Variants in SLC2A13 observed in about 807,000 individuals in gnomAD.
SLC2A13 encodes proton myo-inositol cotransporter.
SLC2A13 carries 32 observed loss-of-function variants against 64.4 expected under a neutral mutation model. That is an observed-to-expected ratio of 0.50 (90% confidence interval 0.37 to 0.67). The LOEUF (loss-of-function observed/expected upper bound fraction) is 0.67. SLC2A13 is among the 30% of genes least tolerant of loss of function. The pLI is 0.00. For missense variants in SLC2A13, 743 were observed against 829.2 expected (o/e 0.90, Z 1.28); for synonymous variants, 338 against 327.1 (o/e 1.03, Z -0.36).
Position 40,105,645 on chromosome 12 carries a change from C to T in SLC2A13, c.164G>A (p.Gly55Asp). 1 of 1,490,048 alleles carries T rather than the reference C, an allele frequency of 6.7e-7. No homozygotes were observed. Among genetic ancestry groups the T allele is most frequent in the Middle Eastern group, 1.9e-4 (1 of 5,192 alleles). The allele number at this position is 1,490,048 out of a possible 1,614,324, so 92.3% of individuals were successfully genotyped here. A position where few individuals can be genotyped will look rare whatever the true frequency, so the allele number is the denominator to read the frequency against. ...AESSTSLQSAGAGGGGVGDLE... is the reference protein window; with the variant it reads ...AESSTSLQSADAGGGGVGDLE... ...GTCCCCGACGCCGCCGCCGCCCGCGCCCGCGCTCTGCAGGCTGGTGCTCGA... is the reference window on the plus strand; with the variant it reads ...GTCCCCGACGCCGCCGCCGCCCGCGTCCGCGCTCTGCAGGCTGGTGCTCGA... The change falls in exon 1 of 10, where the codon GGC becomes GAC. Residue 55 changes from glycine (G) to aspartate (D), a missense_variant. Gly to Asp is a moderately conservative substitution (Grantham distance 94). Around this residue, in one of 2 missense-constraint regions of SLC2A13, gnomAD observed 448 missense variants for 447.4 expected, o/e 1.00. Transcript: ENST00000280871. The surrounding 1 kb of genome is among the most constrained non-coding windows in gnomAD (Gnocchi z 4.2).
intron 4 of SLC2A13, among the ~76,000 whole-genome samples, chr12:39,919,565 G>A (rs1945578955): frequency 6.6e-6 from 1 of 151,924 alleles, no homozygotes; most frequent in South Asian, 2.1e-4. Flanking sequence ...GTCATCCCAT[G>A]GGTTTTGAGG....
chr12:39,997,687 C>G (rs756233143), intron 3 of SLC2A13, among the ~76,000 whole-genome samples: 2 of 151,968 alleles, frequency 1.3e-5, no homozygotes, highest in South Asian at 4.2e-4. Context: ...AAAAATTATC[C>G]GGGCATGGTG....
intron 6 of SLC2A13, among the ~76,000 whole-genome samples, chr12:39,852,078 G>A (rs1477165558): frequency 1.3e-5 from 2 of 152,184 alleles, no homozygotes; most frequent in African/African-American, 4.8e-5. Context: ...AGGTGTGTGT[G>A]AGGCTGGGTA....
intron 3 of SLC2A13, among the ~76,000 whole-genome samples, chr12:39,956,139 A>G (rs1300068856): frequency 6.6e-6 from 1 of 152,170 alleles, no homozygotes; most frequent in African/African-American, 2.4e-5. Flanking sequence ...GCAACAGACA[A>G]ATTCCCTAAA....
At chr12:39,977,996 T>C (rs1217417941) in intron 3 of SLC2A13, among the ~76,000 whole-genome samples, 1 of 152,212 alleles carries the variant, frequency 6.6e-6, no homozygotes, top group Non-Finnish European at 1.5e-5. Flanking sequence ...TGTGTTTTCA[T>C]TAATGTCTCC....
At chr12:39,855,278 C>T (rs1425608528) in intron 6 of SLC2A13, among the ~76,000 whole-genome samples, 1 of 152,102 alleles carries the variant, frequency 6.6e-6, no homozygotes, top group Non-Finnish European at 1.5e-5. Context: ...TTGCCTTGTA[C>T]TTTTATATAA....
chr12:40,067,113 C>T (rs928371392), intron 1 of SLC2A13, among the ~76,000 whole-genome samples: 1 of 152,088 alleles, frequency 6.6e-6, no homozygotes, highest in Admixed American at 6.6e-5. Context: ...AACTGCAAAT[C>T]GAGGGTGATA....
At chr12:39,896,348 GTATGTA>G (rs1326844788) in intron 4 of SLC2A13, among the ~76,000 whole-genome samples, 4 of 126,604 alleles carry the variant, frequency 3.2e-5, no homozygotes, top group Admixed American at 7.8e-5. Context: ...ATACATATAT[GTATGTA>G]TATGTGTATA....
chr12:39,972,975 G>A (rs541961460), intron 3 of SLC2A13, among the ~76,000 whole-genome samples: 1 of 152,258 alleles, frequency 6.6e-6, no homozygotes, highest in Admixed American at 6.5e-5. Context: ...GCTGAGGCAG[G>A]AGAATTGCTT....
intron 6 of SLC2A13, among the ~76,000 whole-genome samples, chr12:39,841,550 G>A (rs897433572): frequency 6.6e-6 from 1 of 151,980 alleles, no homozygotes; most frequent in Non-Finnish European, 1.5e-5. Flanking sequence ...GTATATAAAT[G>A]TATATCTATA....
chr12:39,858,371 AG>A (rs1406865366), intron 6 of SLC2A13, among the ~76,000 whole-genome samples: 1 of 152,220 alleles, frequency 6.6e-6, no homozygotes, highest in Non-Finnish European at 1.5e-5. Flanking sequence ...CATTATTAAT[AG>A]TAACCTCATG....
chr12:40,058,091 T>C (rs377277419), intron 1 of SLC2A13, among the ~76,000 whole-genome samples: 101 of 133,384 alleles, frequency 7.6e-4, no homozygotes, highest in South Asian at 1.4e-3. Flanking sequence ...ATAGATAGAT[T>C]GATTTACTAT....
intron 3 of SLC2A13, among the ~76,000 whole-genome samples, chr12:39,996,944 A>G (rs575075998): frequency 2.0e-5 from 3 of 152,330 alleles, no homozygotes; most frequent in African/African-American, 7.2e-5. Context: ...CAATATTGTG[A>G]TAATGACCAT....
At chr12:39,843,885 G>A (rs955022343) in intron 6 of SLC2A13, among the ~76,000 whole-genome samples, 3 of 151,930 alleles carry the variant, frequency 2.0e-5, no homozygotes, top group Non-Finnish European at 4.4e-5. Context: ...CTGGTTCTGA[G>A]CTATAGTATA....
At chr12:39,981,805 A>C (rs1408915276) in intron 3 of SLC2A13, among the ~76,000 whole-genome samples, 5 of 123,752 alleles carry the variant, frequency 4.0e-5, no homozygotes, top group African/African-American at 1.2e-4. Flanking sequence ...AAAAAGAGGG[A>C]ATCCTCCCTA....
At chr12:39,846,026 G>T (rs1943301636) in intron 6 of SLC2A13, among the ~76,000 whole-genome samples, 1 of 152,054 alleles carries the variant, frequency 6.6e-6, no homozygotes, top group African/African-American at 2.4e-5. Context: ...ATCTGTATTT[G>T]CTTCTTGTCT....
At chr12:39,950,209 TCAAA>T (rs1412639998) in intron 4 of SLC2A13, 3 of 152,112 alleles carry the variant, frequency 2.0e-5, no homozygotes, top group Admixed American at 6.5e-5. Flanking sequence ...TTCACTCTTC[TCAAA>T]CAGTCACTAA....
intron 3 of SLC2A13, among the ~76,000 whole-genome samples, chr12:39,986,318 A>G (rs563653652): frequency 1.9e-4 from 29 of 152,180 alleles, no homozygotes; most frequent in Non-Finnish European, 3.8e-4. Flanking sequence ...AAGCATACAC[A>G]TATTCTGGAG....
intron 6 of SLC2A13, among the ~76,000 whole-genome samples, chr12:39,841,325 C>G (rs1943171544): frequency 6.6e-6 from 1 of 152,110 alleles, no homozygotes; most frequent in Non-Finnish European, 1.5e-5. Context: ...AACTGATTGT[C>G]TAATCCTTTT....
Sources: allele counts gnomAD v4.1 joint callset (sites outside exome capture counted in the v4.1 genomes callset), GRCh38; gene constraint gnomAD v4.1.1; regional missense constraint gnomAD v4.1.1; non-coding constraint Gnocchi (gnomAD v3.1); transcripts MANE v1.5; gene names NCBI Gene and HGNC (gene_info 2026-07-23, HGNC 2026-07-21).